The following UQCC1 variants were observed in gnomAD, a reference collection of about 807,000 sequenced individuals.
The protein encoded by UQCC1 is ubiquinol-cytochrome c reductase complex assembly factor 1.
UQCC1 carries 38 observed loss-of-function variants against 48.0 expected under a neutral mutation model. The ratio of observed to expected loss-of-function variants is 0.79; its 90% CI spans 0.61 to 1.04. The LOEUF (loss-of-function observed/expected upper bound fraction) is 1.04, where lower values mean the gene tolerates loss of function less well. Ranked by LOEUF, UQCC1 falls within the 50% of genes least tolerant of loss-of-function variation. The pLI is 0.00. For missense variants in UQCC1, 368 were observed against 381.8 expected (o/e 0.96, Z 0.30); for synonymous variants, 111 against 129.2 (o/e 0.86, Z 0.95).
intron 8 of UQCC1, chr20:35,307,007 A>G: frequency 1.8e-6 from 1 of 557,702 alleles, no homozygotes. Flanking sequence ...GGGGGTCCAG[A>G]GGGGCCAAGC....
At chr20:35,409,256 G>A (rs1015983081) in intron 1 of UQCC1, 4 of 153,012 alleles carry the variant, frequency 2.6e-5, no homozygotes, top group Admixed American at 2.0e-4. Context: ...ATCACCTGAG[G>A]TCAGGAATTC....
intron 6 of UQCC1, among the ~76,000 whole-genome samples, chr20:35,361,341 C>A (rs1014105513): frequency 1.2e-4 from 18 of 152,012 alleles, no homozygotes; most frequent in Non-Finnish European, 2.5e-4. Flanking sequence ...TTCAGTGAAG[C>A]CTTCCCTGAC....
intron 4 of UQCC1, among the ~76,000 whole-genome samples, chr20:35,375,705 C>T (rs571219519): frequency 6.6e-6 from 1 of 151,612 alleles, no homozygotes; most frequent in South Asian, 2.1e-4. Flanking sequence ...AATCCCAGCA[C>T]TTTAGGAGGC....
At chr20:35,328,581 A>G (rs1306287906) in intron 7 of UQCC1, among the ~76,000 whole-genome samples, 1 of 151,614 alleles carries the variant, frequency 6.6e-6, no homozygotes, top group East Asian at 1.9e-4. Context: ...CCAAGGTCAC[A>G]TGGCTAGGGC....
In UQCC1 at chr20:35,302,850, C is replaced by T. The variant is rs1346228815; in HGVS notation, c.*1085G>A. 6.6e-5 allele frequency: 10 copies of T among 152,174 alleles called. No homozygotes were observed. The highest frequency in any genetic ancestry group is 2.4e-4 in the African/African-American group (10 of 41,436). 9.4% of individuals were successfully genotyped at this position (152,174 alleles called of 1,614,324 possible). ...GATATACCTCACCCATATAGAGTTT[C>T]TTTATATGACTCATTTTATAGCAAG... is the stretch of plus-strand genomic sequence containing the variant. On this transcript the variant is annotated 3_prime_UTR_variant, in exon 10 of 10. Transcript: ENST00000374385.
intron 9 of UQCC1, 62 bp from the exon 10 acceptor site, chr20:35,304,131 G>A (rs769306799): frequency 3.1e-5 from 50 of 1,605,566 alleles, no homozygotes; most frequent in African/African-American, 4.0e-5. Context: ...AGGAGCCAGC[G>A]TCAGGAACCA....
intron 2 of UQCC1, among the ~76,000 whole-genome samples, chr20:35,389,785 CA>C (rs2146504264): frequency 6.6e-6 from 1 of 152,142 alleles, no homozygotes; most frequent in African/African-American, 2.4e-5. Flanking sequence ...AGTGAAGAAC[CA>C]TCAATGCAAT....
At chr20:35,312,169 T>C (rs2061001756) in intron 8 of UQCC1, among the ~76,000 whole-genome samples, 1 of 152,232 alleles carries the variant, frequency 6.6e-6, no homozygotes, top group Non-Finnish European at 1.5e-5. Flanking sequence ...TTTTCTATAT[T>C]GTAAGGCTTC....
At chr20:35,408,113 A>T (rs1370501949) in intron 1 of UQCC1, among the ~76,000 whole-genome samples, 1 of 152,212 alleles carries the variant, frequency 6.6e-6, no homozygotes, top group African/African-American at 2.4e-5. Flanking sequence ...TTTCATACTC[A>T]TTAGAATGGC....
intron 1 of UQCC1, chr20:35,409,219 A>T (rs1467667952): frequency 6.5e-6 from 1 of 152,796 alleles, no homozygotes; most frequent in African/African-American, 2.4e-5. Flanking sequence ...CTGTAATCCC[A>T]GCACTTTGGG....
chr20:35,327,951 A>G (rs2061213552), intron 7 of UQCC1, among the ~76,000 whole-genome samples: 1 of 150,746 alleles, frequency 6.6e-6, no homozygotes, highest in Admixed American at 6.6e-5. Context: ...CAGTGAGGTG[A>G]GATTACGCCA....
At chr20:35,329,447 G>C (rs2061232863) in intron 7 of UQCC1, among the ~76,000 whole-genome samples, 1 of 152,134 alleles carries the variant, frequency 6.6e-6, no homozygotes, top group Non-Finnish European at 1.5e-5. Context: ...CATTCAGAAA[G>C]ACCAGCTAAA....
At chr20:35,350,551 G>T (rs2061479697) in intron 6 of UQCC1, among the ~76,000 whole-genome samples, 1 of 150,000 alleles carries the variant, frequency 6.7e-6, no homozygotes, top group Non-Finnish European at 1.5e-5. Context: ...ACAAAAATTA[G>T]CCAGGTGTGG....
At chr20:35,407,202 C>T (rs866341718) in intron 1 of UQCC1, among the ~76,000 whole-genome samples, 10 of 152,160 alleles carry the variant, frequency 6.6e-5, no homozygotes, top group Non-Finnish European at 8.8e-5. Context: ...CTGAGGTGGG[C>T]GGATCACTTG....
chr20:35,351,097 T>C (rs115517132), intron 6 of UQCC1, among the ~76,000 whole-genome samples: 238 of 151,416 alleles, frequency 1.6e-3, no homozygotes, highest in African/African-American at 5.7e-3. Context: ...GCTTAAGAAA[T>C]AGCACTTTGT....
intron 1 of UQCC1, among the ~76,000 whole-genome samples, chr20:35,398,753 T>A (rs200705377): frequency 9.4e-6 from 1 of 106,422 alleles, no homozygotes; most frequent in African/African-American, 4.0e-5. Context: ...GGGCCAAAGG[T>A]GGGGGGGGGG....
At chr20:35,391,741 C>T (rs1214006300) in intron 2 of UQCC1, among the ~76,000 whole-genome samples, 1 of 149,660 alleles carries the variant, frequency 6.7e-6, no homozygotes, top group East Asian at 2.0e-4. Context: ...AAAAAATTGA[C>T]AAAATTGGAA....
chr20:35,343,410 C>T (rs528005339), intron 7 of UQCC1, among the ~76,000 whole-genome samples: 2 of 152,306 alleles, frequency 1.3e-5, no homozygotes, highest in East Asian at 3.9e-4. Flanking sequence ...TCCCTAGCCA[C>T]GTGTCCCATT....
intron 6 of UQCC1, among the ~76,000 whole-genome samples, chr20:35,362,408 A>T (rs2061616167): frequency 6.6e-6 from 1 of 152,244 alleles, no homozygotes; most frequent in East Asian, 1.9e-4. Flanking sequence ...TCTAGGCCGG[A>T]GTGCGTGGCG....
Sources: gnomAD v4.1 joint callset for allele counts (sites outside exome capture counted in the v4.1 genomes callset) on GRCh38, gnomAD v4.1.1 for gene constraint, MANE v1.5 for transcripts, NCBI Gene and HGNC (gene_info 2026-07-23, HGNC 2026-07-21) for gene names.